Variants in PTCHD1 observed in about 807,000 individuals in gnomAD.
The protein encoded by PTCHD1 is patched domain-containing protein 1.
In PTCHD1, 3 loss-of-function variants were observed where a neutral mutation model predicts 34.6. That is an observed-to-expected ratio of 0.09 (90% CI 0.04 to 0.22). PTCHD1 has a LOEUF of 0.22. Ranked by LOEUF, PTCHD1 falls within the 10% of genes least tolerant of loss-of-function variation. PTCHD1 has a pLI of 1.00. For missense variants in PTCHD1, 504 were observed against 685.5 expected, an observed-to-expected ratio of 0.74 and a Z score of 2.96; for synonymous variants, 305 against 283.1, an observed-to-expected ratio of 1.08 and a Z score of -0.77.
At chrX:23,388,602 AG>A (rs1344466949) in intron 2 of PTCHD1, among the ~76,000 whole-genome samples, 1 of 111,262 alleles carries the variant, frequency 9.0e-6, no homozygotes, top group African/African-American at 3.3e-5. Flanking sequence ...AGGCCGAGGC[AG>A]GCAGATCACC....
intron 1 of PTCHD1, among the ~76,000 whole-genome samples, chrX:23,338,990 G>T (rs991439866): frequency 7.2e-5 from 8 of 111,473 alleles, no homozygotes; most frequent in Middle Eastern, 4.7e-3. Context: ...ATAGAAAGAA[G>T]ATTTTTTTGG....
chrX:23,373,352 A>T (rs754876715), intron 1 of PTCHD1, among the ~76,000 whole-genome samples: 2 of 112,884 alleles, frequency 1.8e-5, no homozygotes, highest in African/African-American at 3.2e-5. Flanking sequence ...CATTACTGAC[A>T]GAGGTAACCA....
At chrX:23,357,863 A>T (rs1008881357) in intron 1 of PTCHD1, among the ~76,000 whole-genome samples, 1 of 110,712 alleles carries the variant, frequency 9.0e-6, no homozygotes, top group Admixed American at 9.6e-5. Flanking sequence ...CCTGTGTCCA[A>T]GTGTTCTCAT....
intron 1 of PTCHD1, among the ~76,000 whole-genome samples, chrX:23,337,653 TTGA>T (rs1190047409): frequency 9.0e-6 from 1 of 111,389 alleles, no homozygotes; most frequent in African/African-American, 3.3e-5. Context: ...AAGGATAGCA[TTGA>T]CAGTTAACAC....
rs1205306011 is a variant in PTCHD1, at chrX:23,394,396, T to TCACACACA, written c.*214_*221dup. 1.0e-4 allele frequency: 26 copies of TCACACACA among 251,143 alleles called. No individual in the cohort carries two copies. In the African/African-American group the frequency reaches 1.1e-3, roughly 11 times the overall value. The allele number at this position is 251,143 out of a possible 1,213,427, so 20.7% of individuals were successfully genotyped here. A position where few individuals can be genotyped will look rare whatever the true frequency, so the allele number is the denominator to read the frequency against. The stretch of plus-strand genomic sequence containing the variant: ...AAAACAAAGGAGTTGTTATGAGAAT[T>TCACACACA]CACACACACATAGACACACACACAC... On this transcript the variant is annotated 3_prime_UTR_variant, in exon 3 of 3. Coordinates refer to ENST00000379361, the MANE Select transcript of PTCHD1 (RefSeq NM_173495.3).
At chrX:23,357,264 A>T (rs1320597235) in intron 1 of PTCHD1, among the ~76,000 whole-genome samples, 4 of 112,067 alleles carry the variant, frequency 3.6e-5, no homozygotes, top group Non-Finnish European at 5.6e-5. Flanking sequence ...AGATAGCCAC[A>T]GGGCTAATGA....
chrX:23,334,420 C>A (rs960247791), upstream of PTCHD1: 2 of 110,568 alleles, frequency 1.8e-5, no homozygotes, highest in African/African-American at 6.6e-5. Context: ...ATAGCGCCGT[C>A]GCCGCTCCCC....
At chrX:23,344,380 T>C (rs1468388889) in intron 1 of PTCHD1, among the ~76,000 whole-genome samples, 1 of 112,290 alleles carries the variant, frequency 8.9e-6, no homozygotes, top group East Asian at 2.8e-4. Flanking sequence ...CTGTAAAGTG[T>C]GTTATCATTA....
intron 1 of PTCHD1, among the ~76,000 whole-genome samples, chrX:23,356,670 GA>G (rs1398529874): frequency 8.9e-6 from 1 of 112,121 alleles, no homozygotes; most frequent in East Asian, 2.8e-4. Flanking sequence ...AACAAAAAGA[GA>G]AGGGCTGCTT....
upstream of PTCHD1, chrX:23,334,680 G>C (rs2146603448): frequency 9.4e-6 from 1 of 106,398 alleles, no homozygotes; most frequent in Non-Finnish European, 2.0e-5. Flanking sequence ...TCCGGCTCGA[G>C]GGGACCCTCC....
chrX:23,362,097 T>A (rs939070246), intron 1 of PTCHD1, among the ~76,000 whole-genome samples: 7 of 112,270 alleles, frequency 6.2e-5, no homozygotes, highest in Non-Finnish European at 1.3e-4. Flanking sequence ...TTCCTTCATT[T>A]CAACCTTGGA....
At chrX:23,383,225 T>A (rs1452244163) in intron 2 of PTCHD1, among the ~76,000 whole-genome samples, 1 of 112,242 alleles carries the variant, frequency 8.9e-6, no homozygotes, top group Non-Finnish European at 1.9e-5. Context: ...ATAAATACAA[T>A]ATCAAATCAA....
At chrX:23,360,750 A>G (rs1921957199) in intron 1 of PTCHD1, among the ~76,000 whole-genome samples, 1 of 111,669 alleles carries the variant, frequency 9.0e-6, no homozygotes, top group Non-Finnish European at 1.9e-5. Flanking sequence ...TAGGGTGTCA[A>G]CTTTACATCT....
chrX:23,373,618 T>G (rs367754982), intron 1 of PTCHD1, among the ~76,000 whole-genome samples: 109 of 112,724 alleles, frequency 9.7e-4, no homozygotes, highest in Middle Eastern at 9.1e-3. Context: ...TGTAATGCAT[T>G]TCTATTAAAA....
intron 2 of PTCHD1, among the ~76,000 whole-genome samples, chrX:23,390,292 T>G (rs1922794611): frequency 1.9e-5 from 2 of 108,030 alleles, no homozygotes; most frequent in African/African-American, 3.4e-5. Context: ...GAAGTGTGCT[T>G]TGCCCACCAA....
chrX:23,363,295 G>T (rs770498814), intron 1 of PTCHD1, among the ~76,000 whole-genome samples: 7 of 112,621 alleles, frequency 6.2e-5, no homozygotes, highest in African/African-American at 9.7e-5. Context: ...GCTGAGCTGC[G>T]GTGGGTTCCG....
At chrX:23,391,771 C>G (rs1045726067) in intron 2 of PTCHD1, among the ~76,000 whole-genome samples, 1 of 112,110 alleles carries the variant, frequency 8.9e-6, no homozygotes, top group East Asian at 2.8e-4. Context: ...CTTCTCTTCT[C>G]TGGAGCGTTC....
intron 2 of PTCHD1, among the ~76,000 whole-genome samples, chrX:23,390,249 T>C (rs751421796): frequency 9.3e-6 from 1 of 108,079 alleles, no homozygotes; most frequent in Admixed American, 9.9e-5. Context: ...TAAATATCAT[T>C]AAAAAATTAT....
At chrX:23,345,923 C>T (rs1043167233) in intron 1 of PTCHD1, among the ~76,000 whole-genome samples, 4 of 111,465 alleles carry the variant, frequency 3.6e-5, no homozygotes. Context: ...AACAGAGGGC[C>T]GTACTCTACT....
Sources: allele counts gnomAD v4.1 joint callset (sites outside exome capture counted in the v4.1 genomes callset), GRCh38; gene constraint gnomAD v4.1.1; transcripts MANE v1.5; gene names NCBI Gene and HGNC (gene_info 2026-07-23, HGNC 2026-07-21).